The following MCHR2 variants were observed in gnomAD, a reference collection of about 807,000 sequenced individuals.
MCHR2 encodes the protein melanin concentrating hormone receptor 2.
MCHR2 carries 15 observed loss-of-function variants against 24.8 expected under a neutral mutation model. That is an observed-to-expected ratio of 0.60 (90% CI 0.40 to 0.93). The LOEUF (loss-of-function observed/expected upper bound fraction) is 0.93. Ranked by LOEUF, MCHR2 falls within the 40% of genes least tolerant of loss-of-function variation. The probability of loss-of-function intolerance (pLI) is 0.00; values close to 1 mark genes in which losing one functional copy is unlikely to be tolerated. For missense variants in MCHR2, 386 were observed against 408.7 expected (o/e 0.94, Z 0.48); for synonymous variants, 151 against 147.6 (o/e 1.02, Z -0.17).
At chr6:99,951,694 G>C (rs1037394469) in intron 2 of MCHR2, among the ~76,000 whole-genome samples, 1 of 152,048 alleles carries the variant, frequency 6.6e-6, no homozygotes, top group Admixed American at 6.6e-5. Flanking sequence ...CTGACACTTG[G>C]AATGGTAGAG....
At chr6:99,993,029 C>T (rs796225172) in intron 1 of MCHR2, among the ~76,000 whole-genome samples, 1 of 152,228 alleles carries the variant, frequency 6.6e-6, no homozygotes, top group African/African-American at 2.4e-5. Context: ...TCCCCATTTG[C>T]GCTGAGCTAA....
intron 5 of MCHR2, among the ~76,000 whole-genome samples, chr6:99,931,230 G>A (rs557866894): frequency 2.0e-5 from 3 of 152,274 alleles, no homozygotes; most frequent in South Asian, 2.1e-4. Context: ...GCCATGTGAG[G>A]TGTCAGTCTG....
intron 4 of MCHR2, among the ~76,000 whole-genome samples, chr6:99,937,337 G>GT (rs1774682182): frequency 6.6e-6 from 1 of 151,934 alleles, no homozygotes; most frequent in Non-Finnish European, 1.5e-5. Flanking sequence ...AAAATTAGCT[G>GT]TAAGTATGTC....
intron 4 of MCHR2, among the ~76,000 whole-genome samples, chr6:99,937,281 T>C (rs1158337145): frequency 1.3e-5 from 2 of 152,004 alleles, no homozygotes; most frequent in Admixed American, 6.6e-5. Context: ...ACTTGTCTTG[T>C]TGCAGATCTT....
rs988440219 is a variant in MCHR2, at chr6:99,954,902, A to G, written c.182+1064T>C. Among the ~76,000 whole-genome samples, 11 of 152,148 alleles carry G rather than the reference A, an allele frequency of 7.2e-5. 1 individual carries two copies. The East Asian group carries it at 2.1e-3, about 29-fold the overall frequency. On this transcript the variant is annotated intron_variant, in intron 2 of 5. Coordinates refer to ENST00000281806, the MANE Select transcript of MCHR2 (RefSeq NM_001040179.2). ...CTTTCAGGCTATGAGTATAAGGTAT[A>G]AGTGAGACATAATGAATTTTGTATT...
intron 1 of MCHR2, among the ~76,000 whole-genome samples, chr6:99,981,358 G>C (rs1265371304): frequency 6.6e-6 from 1 of 152,188 alleles, no homozygotes; most frequent in Admixed American, 6.5e-5. Flanking sequence ...ACAAAGAAGA[G>C]GGTGGCCATA....
In MCHR2 at chr6:99,947,843, G is replaced by A. The variant is rs757257023; in HGVS notation, c.311C>T (p.Pro104Leu). The change falls in exon 3 of 6, where the codon CCT becomes CTT. Residue 104 changes from proline to leucine, a missense_variant. Physicochemically the swap from Pro to Leu is moderately conservative, Grantham distance 98. Coordinates refer to ENST00000281806, the MANE Select transcript of MCHR2 (RefSeq NM_001040179.2). The part of the protein sequence containing the change: ...ARGGEWVFGG[P>L]LCTIITSLDT... ...CAGGGATGTGATGATGGTGCAGAGA[G>A]GCCCCCCAAACACCCACTCTCCCCC... 6.2e-7 allele frequency: 1 copy of A among 1,613,734 alleles called. No individual in the cohort carries two copies. The highest frequency in any genetic ancestry group is 1.7e-4 in the Middle Eastern group (1 of 6,052).
chr6:99,936,996 ATTTC>A (rs1774674876), intron 4 of MCHR2, among the ~76,000 whole-genome samples: 1 of 151,700 alleles, frequency 6.6e-6, no homozygotes, highest in African/African-American at 2.4e-5. Context: ...TGCATTTCTG[ATTTC>A]TTTGTCAGAT....
rs142904963 is a variant in MCHR2, at chr6:99,980,601, AAGAG to A, written c.-28+13331_-28+13334del. 1.6e-3 allele frequency among the ~76,000 whole-genome samples: 244 copies of A among 151,944 alleles called. 2 individuals carry two copies. The highest frequency in any genetic ancestry group is 5.6e-3 in the African/African-American group (231 of 41,458). On this transcript the variant is annotated intron_variant, in intron 1 of 5. Transcript: ENST00000281806. ...CATGAGTGCAAGTGCGTGAGAGTGAAAGAGAGGAGAGTGACAGAGAGAGACAGAG... is the reference window on the plus strand; with the variant it reads ...CATGAGTGCAAGTGCGTGAGAGTGAAAGGAGAGTGACAGAGAGAGACAGAG...
intron 1 of MCHR2, among the ~76,000 whole-genome samples, chr6:99,958,900 A>G (rs1775123941): frequency 6.6e-6 from 1 of 152,136 alleles, no homozygotes; most frequent in African/African-American, 2.4e-5. Flanking sequence ...CATCTATCTC[A>G]GTGTACTGCC....
At position 99,919,675 on chromosome 6, in the gene MCHR2, A is replaced by G. The variant is rs1053219714; in HGVS notation, c.*1265T>C. 1.6e-4 allele frequency among the ~76,000 whole-genome samples: 25 copies of G among 152,048 alleles called. No homozygotes were observed. Among genetic ancestry groups the G allele is most frequent in the African/African-American group, 6.0e-4 (25 of 41,414 alleles). On this transcript the variant is annotated 3_prime_UTR_variant, in exon 6 of 6. Coordinates refer to ENST00000281806, the MANE Select transcript of MCHR2 (RefSeq NM_001040179.2). ...GGCTAATTACTTTTTGTACCTTAGA[A>G]CAAACATGTATACTGTAACCAAAAG...
At chr6:99,986,617 A>G (rs1775774685) in intron 1 of MCHR2, among the ~76,000 whole-genome samples, 1 of 152,112 alleles carries the variant, frequency 6.6e-6, no homozygotes, top group Admixed American at 6.6e-5. Context: ...GGAGCTAAAC[A>G]ATGGGTACAT....
intron 4 of MCHR2, among the ~76,000 whole-genome samples, chr6:99,939,980 G>A (rs955343651): frequency 2.0e-5 from 3 of 147,460 alleles, no homozygotes; most frequent in Non-Finnish European, 4.5e-5. Context: ...TCCTTTATAC[G>A]TTATTTGCTT....
rs759145590 is a variant in MCHR2, at chr6:99,952,155, C to T, written c.182+3811G>A. On this transcript the variant is annotated intron_variant, in intron 2 of 5. Transcript: ENST00000281806. ...TTCATCAATCTGTCTCCTGGGAATG[C>T]AAGAGGAAAATATTATAATTGGCTC... 8.9e-4 allele frequency among the ~76,000 whole-genome samples: 136 copies of T among 152,148 alleles called. 1 individual carries two copies. The highest frequency in any genetic ancestry group is 6.0e-4 in the Non-Finnish European group (41 of 67,984).
intron 1 of MCHR2, among the ~76,000 whole-genome samples, chr6:99,973,728 C>T (rs1186359587): frequency 1.3e-5 from 2 of 152,114 alleles, no homozygotes; most frequent in Non-Finnish European, 2.9e-5. Context: ...TTAGTGCTTC[C>T]TTCAGGAGCT....
At chr6:99,947,617 A>G in intron 3 of MCHR2, 145 bp downstream of exon 3, 1 of 662,962 alleles carries the variant, frequency 1.5e-6, no homozygotes, top group Non-Finnish European at 2.4e-6. Flanking sequence ...TGAACAAAAT[A>G]TTCTTAAGTA....
chr6:99,949,697 A>G (rs761009964), intron 2 of MCHR2, among the ~76,000 whole-genome samples: 3 of 152,060 alleles, frequency 2.0e-5, no homozygotes, highest in African/African-American at 4.8e-5. Context: ...CTGCCACTAA[A>G]AAAACAGGTT....
intron 2 of MCHR2, among the ~76,000 whole-genome samples, chr6:99,954,079 A>T (rs1460955855): frequency 6.6e-6 from 1 of 152,068 alleles, no homozygotes; most frequent in Non-Finnish European, 1.5e-5. Context: ...GCCTGTGAGG[A>T]TTCTTTTATC....
intron 4 of MCHR2, among the ~76,000 whole-genome samples, chr6:99,936,027 A>G (rs1471652640): frequency 6.6e-6 from 1 of 151,628 alleles, no homozygotes. Flanking sequence ...ATTTTTGCCC[A>G]TTTTTTACAT....
Sources: gnomAD v4.1 joint callset for allele counts (sites outside exome capture counted in the v4.1 genomes callset) on GRCh38, gnomAD v4.1.1 for gene constraint, MANE v1.5 for transcripts, NCBI Gene and HGNC (gene_info 2026-07-23, HGNC 2026-07-21) for gene names.